Variants in XKR4 observed in about 807,000 individuals in gnomAD.
The protein encoded by XKR4 is XK related 4.
In XKR4, 12 loss-of-function variants were observed where a neutral mutation model predicts 53.9. That is an observed-to-expected ratio of 0.22 (90% CI 0.14 to 0.36). XKR4 has a LOEUF of 0.36. Among genes scored for constraint, XKR4 ranks in the 10% least tolerant of loss-of-function variants. The probability of loss-of-function intolerance (pLI) is 1.00; values close to 1 mark genes in which losing one functional copy is unlikely to be tolerated. For synonymous variants in XKR4, 354 were observed against 362.4 expected (o/e 0.98, Z 0.26); for missense variants, 799 against 859.5 (o/e 0.93, Z 0.88).
intron 1 of XKR4, among the ~76,000 whole-genome samples, chr8:55,138,242 C>T (rs980904094): frequency 1.3e-5 from 2 of 151,980 alleles, no homozygotes; most frequent in Non-Finnish European, 2.9e-5. Flanking sequence ...TTTGCCAGCT[C>T]AAGAGAGATA....
chr8:55,256,312 C>A (rs1818438394), intron 1 of XKR4, among the ~76,000 whole-genome samples: 1 of 152,106 alleles, frequency 6.6e-6, no homozygotes, highest in Non-Finnish European at 1.5e-5. Context: ...AAAATTTAAA[C>A]CAAAGAATGG....
chr8:55,220,759 C>T (rs1379062173), intron 1 of XKR4, among the ~76,000 whole-genome samples: 3 of 152,194 alleles, frequency 2.0e-5, no homozygotes, highest in South Asian at 2.1e-4. Context: ...TCTCTTCCCC[C>T]AGTATCTGGT....
At chr8:55,515,048 AAGG>A (rs1806689893) in intron 2 of XKR4, among the ~76,000 whole-genome samples, 2 of 152,240 alleles carry the variant, frequency 1.3e-5, no homozygotes, top group African/African-American at 2.4e-5. Flanking sequence ...ATTTGTCAAG[AAGG>A]AGGAGAGACA....
rs183437426 is a variant in XKR4 at position 55,438,972 on chromosome 8, C to T, written c.1006+81095C>T. 1.5e-3 allele frequency among the ~76,000 whole-genome samples: 227 copies of T among 152,160 alleles called. 1 individual carries two copies. The highest frequency in any genetic ancestry group is 5.2e-3 in the African/African-American group (214 of 41,504). ...CTGAAATACCCACATAAAGCCAGAACCTCAAAGTGTGGGAAAACTAGGACG... is the reference window on the plus strand; with the variant it reads ...CTGAAATACCCACATAAAGCCAGAATCTCAAAGTGTGGGAAAACTAGGACG... On this transcript the variant is annotated intron_variant, in intron 2 of 2. Coordinates refer to ENST00000327381, the MANE Select transcript of XKR4 (RefSeq NM_052898.2).
chr8:55,210,086 A>AT (rs75698088), intron 1 of XKR4, among the ~76,000 whole-genome samples: 117 of 141,860 alleles, frequency 8.2e-4, no homozygotes, highest in South Asian at 1.6e-3. Context: ...CATCCTCTCC[A>AT]TTTTTTTTTT....
intron 2 of XKR4, among the ~76,000 whole-genome samples, chr8:55,428,551 C>T (rs563303274): frequency 4.7e-4 from 72 of 152,302 alleles, no homozygotes; most frequent in African/African-American, 1.6e-3. Flanking sequence ...CATCCCAAAC[C>T]GCACCGGAGT....
chr8:55,176,844 G>A (rs1563475679), intron 1 of XKR4, among the ~76,000 whole-genome samples: 1 of 152,120 alleles, frequency 6.6e-6, no homozygotes, highest in Non-Finnish European at 1.5e-5. Context: ...AGCTGTGGAA[G>A]TGTTGATCAG....
chr8:55,282,703 C>T (rs531288791), intron 1 of XKR4, among the ~76,000 whole-genome samples: 13 of 152,126 alleles, frequency 8.5e-5, no homozygotes, highest in African/African-American at 2.7e-4. Flanking sequence ...AATTTTGACA[C>T]GAGATTTGGA....
At chr8:55,509,662 T>A (rs1043456704) in intron 2 of XKR4, among the ~76,000 whole-genome samples, 3 of 152,260 alleles carry the variant, frequency 2.0e-5, no homozygotes, top group Admixed American at 2.0e-4. Flanking sequence ...AAAAATAAGG[T>A]TATACTAGAA....
At chr8:55,468,613 C>G (rs889288012) in intron 2 of XKR4, among the ~76,000 whole-genome samples, 1 of 152,092 alleles carries the variant, frequency 6.6e-6, no homozygotes, top group African/African-American at 2.4e-5. Context: ...CACTTTATAT[C>G]TATTAAAAAG....
intron 1 of XKR4, among the ~76,000 whole-genome samples, chr8:55,231,866 T>C (rs577386404): frequency 3.3e-5 from 5 of 152,196 alleles, no homozygotes; most frequent in Non-Finnish European, 5.9e-5. Context: ...CCTACCACTC[T>C]GTGTACATGA....
intron 2 of XKR4, among the ~76,000 whole-genome samples, chr8:55,363,444 C>G (rs1243757504): frequency 6.6e-6 from 1 of 152,148 alleles, no homozygotes; most frequent in Non-Finnish European, 1.5e-5. Context: ...CACAGGAAGT[C>G]AGAAGTAAAG....
rs150945037 is a variant in XKR4, at chr8:55,193,889, C to T, written c.806+90595C>T. Among the ~76,000 whole-genome samples the T allele has an allele frequency of 3.3e-3, 509 of 152,326 alleles. 5 individuals carry two copies. Among genetic ancestry groups the T allele is most frequent in the African/African-American group, 0.011 (476 of 41,584 alleles). On this transcript the variant is annotated intron_variant, in intron 1 of 2. Coordinates refer to ENST00000327381, the MANE Select transcript of XKR4 (RefSeq NM_052898.2). ...GTGACCATTTGGCCAGCTACCAGGC[C>T]ACTCTGCCCTCCTGCCTCATAGCCG...
intron 1 of XKR4, among the ~76,000 whole-genome samples, chr8:55,232,707 A>G (rs1055604270): frequency 1.3e-5 from 2 of 152,218 alleles, no homozygotes; most frequent in African/African-American, 4.8e-5. Context: ...ATAATGTATC[A>G]AACTCTCAGG....
At chr8:55,377,978 G>T (rs560970831) in intron 2 of XKR4, among the ~76,000 whole-genome samples, 1 of 152,190 alleles carries the variant, frequency 6.6e-6, no homozygotes, top group Non-Finnish European at 1.5e-5. Flanking sequence ...TTCGATGCTC[G>T]AGGCAACCTG....
At chr8:55,212,115 G>GA (rs752591849) in intron 1 of XKR4, among the ~76,000 whole-genome samples, 290 of 133,582 alleles carry the variant, frequency 2.2e-3, no homozygotes, top group East Asian at 0.019. Flanking sequence ...GTGTCTGGGT[G>GA]AAAAAAAAAA....
At chr8:55,173,307 A>G (rs1179976871) in intron 1 of XKR4, among the ~76,000 whole-genome samples, 1 of 150,140 alleles carries the variant, frequency 6.7e-6, no homozygotes, top group Non-Finnish European at 1.5e-5. Flanking sequence ...TTTTTTTTTA[A>G]TTATTGTTGG....
intron 1 of XKR4, among the ~76,000 whole-genome samples, chr8:55,289,450 G>A (rs1305510102): frequency 1.3e-5 from 2 of 150,918 alleles, no homozygotes; most frequent in African/African-American, 4.9e-5. Flanking sequence ...AGGAGGCAGA[G>A]GTTGCAGTGA....
intron 2 of XKR4, chr8:55,454,055 TG>T: frequency 1.2e-6 from 1 of 840,144 alleles, no homozygotes; most frequent in Non-Finnish European, 2.0e-6. Flanking sequence ...CAGCAGCTGA[TG>T]GAAGAGCCGC....
Sources: allele counts gnomAD v4.1 joint callset (sites outside exome capture counted in the v4.1 genomes callset), GRCh38; gene constraint gnomAD v4.1.1; transcripts MANE v1.5; gene names NCBI Gene and HGNC (gene_info 2026-07-23, HGNC 2026-07-21).